Variants in MYH6 observed in about 807,000 individuals in gnomAD.
MYH6 encodes myosin heavy chain 6, also known as myosin-6.
MYH6 carries 126 observed loss-of-function variants against 223.2 expected under a neutral mutation model. The observed-to-expected ratio is 0.56, with a 90% CI of 0.49 to 0.65. The LOEUF (loss-of-function observed/expected upper bound fraction) is 0.65. Ranked by LOEUF, MYH6 falls within the 30% of genes least tolerant of loss-of-function variation. The pLI is 0.00. For synonymous variants in MYH6, 978 were observed against 1,010.2 expected (o/e 0.97, Z 0.61); for missense variants, 2,040 against 2,536.4 (o/e 0.80, Z 4.20).
chr14:23,389,574 G>T lies in MYH6; in HGVS notation c.3859+19C>A, dbSNP rs1566507896. 6 of 1,614,224 alleles carry T rather than the reference G, an allele frequency of 3.7e-6. No individual in the cohort carries two copies. The South Asian group carries it at 4.4e-5, about 12-fold the overall frequency. On this transcript the variant is annotated intron_variant, in intron 27 of 38. Coordinates refer to ENST00000405093, the MANE Select transcript of MYH6 (RefSeq NM_002471.4). ...AGTCATGTCCTGCCCTAGGCAGGGG[G>T]TTGGTTAGGGGCACCCACCATTCTC...
At position 23,393,502 on chromosome 14, in the gene MYH6, T is replaced by C. The variant is rs770465041; in HGVS notation, c.2945A>G (p.Glu982Gly). 1.2e-6 allele frequency: 2 copies of C among 1,614,120 alleles called. No homozygotes were observed. Among genetic ancestry groups the C allele is most frequent in the Admixed American group, 3.3e-5 (2 of 60,018 alleles). ...ATENKVKNLT[E>G]EMAGLDEIIA... ...GATTTCATCCAGCCCAGCCATCTCC[T>C]CTGTTAGGTTCTTCACCTGCCGACC... is the stretch of plus-strand genomic sequence containing the variant. Residue 982 changes from glutamate to glycine, a missense_variant, in exon 23 of 39, where the codon GAG (glutamate) becomes GGG (glycine). Coordinates refer to ENST00000405093, the MANE Select transcript of MYH6 (RefSeq NM_002471.4).
At position 23,398,787 on chromosome 14, in the gene MYH6, T is replaced by C; in HGVS notation, c.1832A>G (p.Gln611Arg). The C allele has an allele frequency of 1.2e-6, 2 of 1,614,204 alleles. No individual in the cohort carries two copies. The highest frequency in any genetic ancestry group is 1.7e-6 in the Non-Finnish European group (2 of 1,180,034). Reference sequence around the variant, plus strand: ...GGCCATGAGCTTGAGGGAGGACTTCTGGTACAGGGCCACAACAGTCTCGTT... The same window carrying C: ...GGCCATGAGCTTGAGGGAGGACTTCCGGTACAGGGCCACAACAGTCTCGTT... ...PLNETVVALY[Q>R]KSSLKLMATL... The change falls in exon 15 of 39, where the codon CAG becomes CGG. Residue 611 changes from glutamine (Q) to arginine (R), a missense_variant. Physicochemically the swap from Gln to Arg is conservative, Grantham distance 43. Transcript: ENST00000405093.
At position 23,405,542 on chromosome 14, in the gene MYH6, C is replaced by G. The variant is rs1474296170; in HGVS notation, c.345+85G>C. 1.2e-6 allele frequency: 2 copies of G among 1,604,870 alleles called. No individual in the cohort carries two copies. Among genetic ancestry groups the G allele is most frequent in the African/African-American group, 2.7e-5 (2 of 74,668 alleles). On this transcript the variant is annotated intron_variant, in intron 4 of 38. Transcript: ENST00000405093. The surrounding 1 kb of genome is among the most constrained non-coding windows in gnomAD (Gnocchi z 4.7). ...GGACTTGGGTCCCTTGGGAGTCTCT[C>G]CCCCTCTTCTTGGGAGAGCCCCCCT...
In MYH6 at chr14:23,393,348, C is replaced by T. The variant is rs949717573; in HGVS notation, c.3099G>A (p.Val1033=). Residue 1033 remains valine (V), a synonymous_variant, in exon 23 of 39, where the codon GTG becomes GTA. Coordinates refer to ENST00000405093, the MANE Select transcript of MYH6 (RefSeq NM_002471.4). ...CATGGTTCTTACTACTCACATCATC[C>T]ACCTGCTGCTCCAGCTTGACCTTAG... ...SKSKVKLEQQ[V]DDLEGSLEQE... is the part of the protein sequence containing the mutation. 2 of 1,614,082 alleles carry T rather than the reference C, an allele frequency of 1.2e-6. No homozygotes were observed. The highest frequency in any genetic ancestry group is 2.7e-5 in the African/African-American group (2 of 74,924).
At position 23,400,325 on chromosome 14, in the gene MYH6, C is replaced by T. The variant is rs1595061409; in HGVS notation, c.1512G>A (p.Lys504=). The change falls in exon 14 of 39, where the codon AAG becomes AAA. Residue 504 remains lysine, a synonymous_variant. Transcript: ENST00000405093. ...MFVLEQEEYK[K]EGIEWTFIDF... Reference sequence around the variant, plus strand: ...CAATGAATGTCCACTCAATGCCCTCCTTCTTGTACTCCTCCTGCTCCAGCA... The same window carrying T: ...CAATGAATGTCCACTCAATGCCCTCTTTCTTGTACTCCTCCTGCTCCAGCA... 1.2e-6 allele frequency: 2 copies of T among 1,614,200 alleles called. No homozygotes were observed. The highest frequency in any genetic ancestry group is 2.2e-5 in the East Asian group (1 of 44,884).
At chr14:23,382,762 A>C (rs1890899331) in intron 37 of MYH6, among the ~76,000 whole-genome samples, 200 bp from the exon 38 acceptor site, 1 of 152,076 alleles carries the variant, frequency 6.6e-6, no homozygotes, top group African/African-American at 2.4e-5. Context: ...CTTCACGGCC[A>C]TCCACTGCCC....
At chr14:23,396,066 G>A (rs1047957014) in intron 20 of MYH6, among the ~76,000 whole-genome samples, 2 of 151,072 alleles carry the variant, frequency 1.3e-5, no homozygotes, top group African/African-American at 4.9e-5. Context: ...TATTTCATTG[G>A]TGTCTTAATT....
Position 23,390,098 on chromosome 14 carries a change from C to G in MYH6, c.3691G>C (p.Asp1231His), listed in dbSNP as rs1891186077. The G allele has an allele frequency of 6.2e-7, 1 of 1,612,908 alleles. No individual in the cohort carries two copies. Among genetic ancestry groups the G allele is most frequent in the Non-Finnish European group, 8.5e-7 (1 of 1,179,750 alleles). The change falls in exon 26 of 39, where the codon GAT becomes CAT. Residue 1231 changes from aspartate to histidine, a missense_variant. Asp to His is a moderately conservative substitution (Grantham distance 81). Around this residue, in one of 4 missense-constraint regions of MYH6, gnomAD observed 1,203 missense variants for 1,400.2 expected, o/e 0.86. Coordinates refer to ENST00000405093, the MANE Select transcript of MYH6 (RefSeq NM_002471.4). ...TGCTCCATGTTGGAGGTGACGTCAT[C>G]CAGCTCCAGCTTGAACTCGCTCTTC... ...KEKSEFKLEL[D>H]DVTSNMEQII...
rs757512596 is a variant in MYH6 at position 23,402,677 on chromosome 14, G to A, written c.1002+20C>T. On this transcript the variant is annotated intron_variant, in intron 11 of 38. Transcript: ENST00000405093. ...AGCTCCTGGGGTCCCTCGAACGGCC[G>A]CAGCAGCCCCCTCACTCACATCGGT... 6 of 1,613,366 alleles carry A rather than the reference G, an allele frequency of 3.7e-6. No homozygotes were observed. The highest frequency in any genetic ancestry group is 2.2e-5 in the East Asian group (1 of 44,728).
Position 23,388,158 on chromosome 14 carries a change from G to T in MYH6, c.4356C>A (p.Asp1452Glu). ...GCGGCCCCCGCCCATGGTCCACCTTGTCAAAGTTTCTCTGCTTCTTGTCCA... is the reference window on the plus strand; with the variant it reads ...GCGGCCCCCGCCCATGGTCCACCTTTTCAAAGTTTCTCTGCTTCTTGTCCA... Reference protein sequence around the residue: ...AALDKKQRNFDKILAEWKQKY... With the variant: ...AALDKKQRNFEKILAEWKQKY... Residue 1452 changes from aspartate (D) to glutamate (E), a missense_variant, in exon 30 of 39, where the codon GAC (aspartate) becomes GAA (glutamate). Physicochemically the swap from Asp to Glu is conservative, Grantham distance 45. Coordinates refer to ENST00000405093, the MANE Select transcript of MYH6 (RefSeq NM_002471.4). 9 of 1,612,314 alleles carry T rather than the reference G, an allele frequency of 5.6e-6. No homozygotes were observed. Among genetic ancestry groups the T allele is most frequent in the Non-Finnish European group, 7.6e-6 (9 of 1,180,036 alleles).
intron 29 of MYH6, chr14:23,388,568 C>T (rs373696663): frequency 3.5e-6 from 3 of 866,462 alleles, no homozygotes; most frequent in South Asian, 1.3e-5. Context: ...CCTCACCCCC[C>T]ACACAGGCTG....
In MYH6 at chr14:23,405,593, C is replaced by T; in HGVS notation, c.345+34G>A. 1 of 1,614,022 alleles carries T rather than the reference C, an allele frequency of 6.2e-7. No homozygotes were observed. The highest frequency in any genetic ancestry group is 1.1e-5 in the South Asian group (1 of 91,078). On this transcript the variant is annotated intron_variant, in intron 4 of 38. Transcript: ENST00000405093. The surrounding 1 kb of genome is among the most constrained non-coding windows in gnomAD (Gnocchi z 4.7). ...GGCTTATTTAGGCCTCCACGCAGCA[C>T]AGGAAGCCTCTGCAGTGTGCAGGAG...
intron 35 of MYH6, 22 bp from the exon 36 acceptor site, chr14:23,384,739 C>T (rs758115890): frequency 7.4e-6 from 12 of 1,614,114 alleles, no homozygotes; most frequent in Non-Finnish European, 9.3e-6. Context: ...AGAGAGGTGG[C>T]AAGGAACATG....
At chr14:23,404,479 T>C in intron 7 of MYH6, 91 bp from the exon 8 acceptor site, 1 of 1,488,934 alleles carries the variant, frequency 6.7e-7, no homozygotes, top group Non-Finnish European at 9.4e-7. Flanking sequence ...CCCTGAGGAA[T>C]GGGGGTGCGG....
Position 23,388,513 on chromosome 14 carries a change from C to G in MYH6, c.4176-175G>C, listed in dbSNP as rs754150357. 4.6e-6 allele frequency: 5 copies of G among 1,087,326 alleles called. No individual in the cohort carries two copies. The South Asian group carries it at 5.0e-5, about 11-fold the overall frequency. 67.4% of individuals were successfully genotyped at this position (1,087,326 alleles called of 1,614,324 possible). Reference sequence around the variant, plus strand: ...AGTCCGCCAGCACGGGCTGCCCAGGCGTCCTCCCTACCTGCAGTGGCATCT... The same window carrying G: ...AGTCCGCCAGCACGGGCTGCCCAGGGGTCCTCCCTACCTGCAGTGGCATCT... On this transcript the variant is annotated intron_variant, in intron 29 of 38. Transcript: ENST00000405093.
rs754425935 is a variant in MYH6 at position 23,394,062 on chromosome 14, C to A, written c.2685+6G>T. ...GAGGGCTGAAGAGATAATCACGTGG[C>A]CTCACCGCCTGCACTTGGAGCTGCA... On this transcript the variant is annotated splice_donor_region_variant and intron_variant, in intron 21 of 38. Coordinates refer to ENST00000405093, the MANE Select transcript of MYH6 (RefSeq NM_002471.4). 1 of 1,614,106 alleles carries A rather than the reference C, an allele frequency of 6.2e-7. No individual in the cohort carries two copies. The highest frequency in any genetic ancestry group is 1.7e-5 in the Admixed American group (1 of 60,034).
At chr14:23,382,680 C>T (rs1948352254) in intron 37 of MYH6, 118 bp from the exon 38 acceptor site, 2 of 1,433,310 alleles carry the variant, frequency 1.4e-6, no homozygotes, top group African/African-American at 1.4e-5. Flanking sequence ...ATGCATATTC[C>T]TGCAACAGCC....
intron 15 of MYH6, among the ~76,000 whole-genome samples, 154 bp downstream of exon 15, chr14:23,398,574 G>T (rs1891500608): frequency 6.6e-6 from 1 of 152,202 alleles, no homozygotes; most frequent in South Asian, 2.1e-4. Context: ...TGCTACAGAA[G>T]CCCAGCTGGA....
chr14:23,389,070 G>GT lies in MYH6; in HGVS notation c.3979-16_3979-15insA. The GT allele has an allele frequency of 1.4e-6, 2 of 1,464,360 alleles. No individual in the cohort carries two copies. Among genetic ancestry groups the GT allele is most frequent in the Non-Finnish European group, 1.9e-6 (2 of 1,052,942 alleles). 90.7% of individuals were successfully genotyped at this position (1,464,360 alleles called of 1,614,324 possible). On this transcript the variant is annotated splice_polypyrimidine_tract_variant and intron_variant, in intron 28 of 38. Coordinates refer to ENST00000405093, the MANE Select transcript of MYH6 (RefSeq NM_002471.4). ...GCGTTCTTCGCCTGGGGAGGGGGGGGGGCACCAGGAGGTGGGAGGGACTCC... is the reference window on the plus strand; with the variant it reads ...GCGTTCTTCGCCTGGGGAGGGGGGGGTGGCACCAGGAGGTGGGAGGGACTCC...
Sources: gnomAD v4.1 joint callset for allele counts (sites outside exome capture counted in the v4.1 genomes callset) on GRCh38, gnomAD v4.1.1 for gene constraint, gnomAD v4.1.1 regional missense constraint, Gnocchi (gnomAD v3.1) non-coding constraint, MANE v1.5 for transcripts, NCBI Gene and HGNC (gene_info 2026-07-23, HGNC 2026-07-21) for gene names.